Variants in SORCS2 observed in about 807,000 individuals in gnomAD.
SORCS2 encodes the protein sortilin related VPS10 domain containing receptor 2.
Under a neutral mutation model 141.6 loss-of-function variants are expected in SORCS2, and 100 were observed. That is an observed-to-expected ratio of 0.71 (90% confidence interval 0.60 to 0.83). The LOEUF is 0.83. Among genes scored for constraint, SORCS2 ranks in the 40% least tolerant of loss-of-function variants. SORCS2 has a pLI of 0.00. For missense variants in SORCS2, 1,646 were observed against 1,560.2 expected (o/e 1.05, Z -0.93); for synonymous variants, 789 against 676.9 (o/e 1.17, Z -2.57).
At chr4:7,712,948 G>T (rs540500465) in intron 15 of SORCS2, 95 bp downstream of exon 15, 6 of 1,523,058 alleles carry the variant, frequency 3.9e-6, no homozygotes, top group Admixed American at 1.9e-5. Flanking sequence ...CAAGGCCGCA[G>T]GGCACCTCCC....
chr4:7,415,201 A>T (rs1206996292), intron 2 of SORCS2, among the ~76,000 whole-genome samples: 1 of 152,206 alleles, frequency 6.6e-6, no homozygotes, highest in Non-Finnish European at 1.5e-5. Context: ...AAATGACCAC[A>T]AACATAGGAC....
At position 7,657,132 on chromosome 4, in the gene SORCS2, C is replaced by A. The variant is rs147679117; in HGVS notation, c.887+2925C>A. Among the ~76,000 whole-genome samples the A allele has an allele frequency of 1.5e-3, 227 of 152,356 alleles. 1 individual carries two copies. Among genetic ancestry groups the A allele is most frequent in the African/African-American group, 5.0e-3 (209 of 41,590 alleles). ...GAGCAGGCACCAGGCCTCAGGCCAC[C>A]TGTACACCGGTGTCTAGCCCAGGGC... is the stretch of plus-strand genomic sequence containing the variant. On this transcript the variant is annotated intron_variant, in intron 5 of 26. Coordinates refer to ENST00000507866, the MANE Select transcript of SORCS2 (RefSeq NM_020777.3).
intron 3 of SORCS2, among the ~76,000 whole-genome samples, chr4:7,566,531 G>A (rs1360472919): frequency 6.6e-6 from 1 of 152,208 alleles, no homozygotes; most frequent in Non-Finnish European, 1.5e-5. Context: ...CACACAGCAG[G>A]TTAGAGTTGG....
intron 3 of SORCS2, among the ~76,000 whole-genome samples, chr4:7,628,411 A>T (rs963090960): frequency 1.7e-4 from 25 of 150,720 alleles, no homozygotes; most frequent in Admixed American, 4.0e-4. Flanking sequence ...CCCAGCTACT[A>T]GGGAGGCTGA....
intron 10 of SORCS2, among the ~76,000 whole-genome samples, chr4:7,686,822 G>C (rs114816777): frequency 2.6e-5 from 4 of 152,214 alleles, no homozygotes; most frequent in Non-Finnish European, 5.9e-5. Flanking sequence ...CCCAGGAGAA[G>C]GGGGAGCCGT....
chr4:7,275,183 G>A (rs1715417120), intron 1 of SORCS2, among the ~76,000 whole-genome samples: 1 of 152,138 alleles, frequency 6.6e-6, no homozygotes, highest in South Asian at 2.1e-4. Flanking sequence ...TGGGTTGTTG[G>A]AGGCATTAGA....
chr4:7,382,213 A>T (rs542193391), intron 1 of SORCS2, among the ~76,000 whole-genome samples: 1 of 152,194 alleles, frequency 6.6e-6, no homozygotes, highest in African/African-American at 2.4e-5. Context: ...GCGGGGAGCA[A>T]TGGGGGTCTT....
chr4:7,353,011 T>C (rs1463834034), intron 1 of SORCS2, among the ~76,000 whole-genome samples: 1 of 152,110 alleles, frequency 6.6e-6, no homozygotes, highest in Admixed American at 6.5e-5. Context: ...TTGTTCAACC[T>C]GAGGTTGTGT....
At chr4:7,423,942 G>A (rs1296613634) in intron 2 of SORCS2, among the ~76,000 whole-genome samples, 2 of 152,212 alleles carry the variant, frequency 1.3e-5, no homozygotes, top group African/African-American at 2.4e-5. Flanking sequence ...GTTGGGAAGA[G>A]GCACACTCCT....
intron 1 of SORCS2, among the ~76,000 whole-genome samples, chr4:7,240,144 C>T (rs553909327): frequency 1.6e-3 from 249 of 152,306 alleles, no homozygotes; most frequent in Non-Finnish European, 2.5e-3. Context: ...GCTGTGATGA[C>T]CCCGGCCCCA....
intron 18 of SORCS2, 133 bp downstream of exon 18, chr4:7,718,316 C>A: frequency 9.7e-7 from 1 of 1,028,776 alleles, no homozygotes; most frequent in Non-Finnish European, 1.4e-6. Flanking sequence ...GCCAGCCTGT[C>A]CAGACTGAAG....
chr4:7,257,304 G>A (rs1713958010), intron 1 of SORCS2, among the ~76,000 whole-genome samples: 1 of 151,250 alleles, frequency 6.6e-6, no homozygotes, highest in South Asian at 2.1e-4. Context: ...AAATGGGTGA[G>A]GGGGCTGGTT....
In SORCS2 at chr4:7,729,679, G is replaced by A; in HGVS notation, c.3075G>A (p.Arg1025=). 2 of 1,609,732 alleles carry A rather than the reference G, an allele frequency of 1.2e-6. No homozygotes were observed. The highest frequency in any genetic ancestry group is 1.7e-6 in the Non-Finnish European group (2 of 1,178,264). ...TGTACGTGCTCCTGCCCCCTCCCAGGCCCACAAGGAAGAGGAGCCTCTCGA... is the reference window on the plus strand; with the variant it reads ...TGTACGTGCTCCTGCCCCCTCCCAGACCCACAAGGAAGAGGAGCCTCTCGA... ...ADLYVLLPPP[R]PTRKRSLSSD... Residue 1025 remains arginine, a synonymous_variant, in exon 23 of 27, where the codon AGG becomes AGA. Coordinates refer to ENST00000507866, the MANE Select transcript of SORCS2 (RefSeq NM_020777.3).
At chr4:7,462,293 G>A (rs528034552) in intron 2 of SORCS2, among the ~76,000 whole-genome samples, 1 of 152,212 alleles carries the variant, frequency 6.6e-6, no homozygotes, top group Non-Finnish European at 1.5e-5. Context: ...CCTGTGAGCG[G>A]GAGATGTGAG....
At chr4:7,553,316 A>G (rs1713861507) in intron 3 of SORCS2, among the ~76,000 whole-genome samples, 2 of 149,726 alleles carry the variant, frequency 1.3e-5, no homozygotes, top group African/African-American at 2.5e-5. Flanking sequence ...AGAGGGGGGA[A>G]AAAAAACCAT....
At chr4:7,737,221 T>TCCGCCCCAAACCCACC in intron 26 of SORCS2, 49 bp downstream of exon 26, 3 of 1,548,304 alleles carry the variant, frequency 1.9e-6, no homozygotes. Flanking sequence ...CTAGGTAACG[T>TCCGCCCCAAACCCACC]CCGCCCCAAA....
chr4:7,217,085 C>T (rs1728405883), intron 1 of SORCS2, among the ~76,000 whole-genome samples: 1 of 142,544 alleles, frequency 7.0e-6, no homozygotes, highest in South Asian at 2.2e-4. Context: ...TAAAGTCTTT[C>T]AGAGCAAGTC....
At chr4:7,409,103 C>G (rs1725147840) in intron 2 of SORCS2, among the ~76,000 whole-genome samples, 2 of 152,218 alleles carry the variant, frequency 1.3e-5, no homozygotes, top group Admixed American at 1.3e-4. Context: ...TTTGGGAGAT[C>G]ATGGTTCCCT....
At chr4:7,371,339 G>A (rs76423163) in intron 1 of SORCS2, among the ~76,000 whole-genome samples, 2,678 of 152,242 alleles carry the variant, frequency 0.018, 100 homozygotes, top group East Asian at 0.15. Flanking sequence ...TGACGCTGCC[G>A]GGCCCTTCTT....
Sources: gnomAD v4.1 joint callset for allele counts (sites outside exome capture counted in the v4.1 genomes callset) on GRCh38, gnomAD v4.1.1 for gene constraint, MANE v1.5 for transcripts, NCBI Gene and HGNC (gene_info 2026-07-23, HGNC 2026-07-21) for gene names.